Variants in AFF2 observed in about 807,000 individuals in gnomAD.
AFF2 encodes the protein ALF transcription elongation factor 2, also known as AF4/FMR2 family member 2.
A neutral mutation model predicts 76.9 loss-of-function variants in AFF2; 14 were observed. That is an observed-to-expected ratio of 0.18 (90% CI 0.12 to 0.28). The LOEUF is 0.28. Ranked by LOEUF, AFF2 falls within the 10% of genes least tolerant of loss-of-function variation. The probability of loss-of-function intolerance (pLI) is 1.00; values close to 1 mark genes in which losing one functional copy is unlikely to be tolerated. For synonymous variants in AFF2, 398 were observed against 366.7 expected (o/e 1.09, Z -0.98); for missense variants, 868 against 1,001.1 (o/e 0.87, Z 1.79).
intron 1 of AFF2, among the ~76,000 whole-genome samples, chrX:148,536,785 T>G (rs2052790412): frequency 8.9e-6 from 1 of 112,150 alleles, no homozygotes; most frequent in Non-Finnish European, 1.9e-5. Context: ...GGAATTTTGG[T>G]CTCTGTATGT....
chrX:148,877,416 C>T (rs899883527), intron 7 of AFF2, among the ~76,000 whole-genome samples: 5 of 112,055 alleles, frequency 4.5e-5, no homozygotes, highest in African/African-American at 1.6e-4. Context: ...TTCCCCTAAA[C>T]CAGAGTGTGG....
At chrX:148,518,527 A>G (rs1557234125) in intron 1 of AFF2, among the ~76,000 whole-genome samples, 1 of 112,340 alleles carries the variant, frequency 8.9e-6, no homozygotes, top group African/African-American at 3.2e-5. Context: ...GCTTTGATGG[A>G]GAAAGGAAAA....
chrX:148,987,227 C>A, intron 19 of AFF2, 140 bp from the exon 20 acceptor site: 1 of 515,701 alleles, frequency 1.9e-6, no homozygotes, highest in Non-Finnish European at 3.3e-6. Flanking sequence ...TCTGATGGGG[C>A]TTCACATGTG....
intron 1 of AFF2, among the ~76,000 whole-genome samples, chrX:148,619,576 TGAGA>T (rs1222204347): frequency 1.8e-5 from 2 of 112,019 alleles, no homozygotes; most frequent in African/African-American, 6.5e-5. Flanking sequence ...GTCCAGAAGA[TGAGA>T]GATAGTTGGA....
intron 2 of AFF2, among the ~76,000 whole-genome samples, chrX:148,660,092 A>G (rs186556076): frequency 4.5e-4 from 50 of 112,301 alleles, no homozygotes; most frequent in South Asian, 1.9e-3. Flanking sequence ...TCTGTCCCTG[A>G]CAGAGCTCCC....
chrX:148,654,497 T>G (rs782281059), intron 2 of AFF2, among the ~76,000 whole-genome samples: 67 of 111,288 alleles, frequency 6.0e-4, no homozygotes, highest in African/African-American at 2.0e-3. Flanking sequence ...GGAGGAATTA[T>G]ATAAAGGGAA....
intron 3 of AFF2, among the ~76,000 whole-genome samples, chrX:148,666,369 G>C (rs2054359291): frequency 1.8e-5 from 2 of 110,987 alleles, no homozygotes; most frequent in South Asian, 7.6e-4. Context: ...GGCGGATCAT[G>C]AAGTCAAGAG....
intron 3 of AFF2, among the ~76,000 whole-genome samples, chrX:148,761,078 T>A (rs2069433969): frequency 8.9e-6 from 1 of 111,766 alleles, no homozygotes; most frequent in Non-Finnish European, 1.9e-5. Flanking sequence ...TCCTTATATG[T>A]AAAATGAACT....
At chrX:148,953,478 C>A in intron 9 of AFF2, 102 bp from the exon 10 acceptor site, 1 of 930,093 alleles carries the variant, frequency 1.1e-6, no homozygotes, top group Non-Finnish European at 1.5e-6. Context: ...AAACCCCACT[C>A]TACCTGCATT....
At chrX:148,963,451 A>T (rs1238981137) in intron 13 of AFF2, among the ~76,000 whole-genome samples, 1 of 112,112 alleles carries the variant, frequency 8.9e-6, no homozygotes, top group African/African-American at 3.2e-5. Context: ...AATTTGCTCG[A>T]TAACTCTGGG....
chrX:148,975,938 C>T (rs1473051354), intron 16 of AFF2, among the ~76,000 whole-genome samples: 2 of 10,018 alleles, frequency 2.0e-4, no homozygotes, highest in Non-Finnish European at 5.0e-4. Context: ...AGCGAGACTC[C>T]GTCTCAAAAA....
At chrX:148,562,178 G>A (rs972876069) in intron 1 of AFF2, among the ~76,000 whole-genome samples, 5 of 112,522 alleles carry the variant, frequency 4.4e-5, no homozygotes, top group Non-Finnish European at 9.4e-5. Flanking sequence ...GATGTCAAAT[G>A]ACTGGTCTGA....
intron 3 of AFF2, among the ~76,000 whole-genome samples, chrX:148,758,669 C>T (rs782206156): frequency 6.3e-5 from 7 of 111,501 alleles, no homozygotes; most frequent in Admixed American, 1.9e-4. Context: ...TATTATAGAA[C>T]GTGATTACAT....
At chrX:148,585,815 TGG>T (rs2124363212) in intron 1 of AFF2, among the ~76,000 whole-genome samples, 2 of 90,864 alleles carry the variant, frequency 2.2e-5, no homozygotes, top group African/African-American at 8.5e-5. Flanking sequence ...CACTCCAGGC[TGG>T]GCGACAGAGC....
In AFF2 at chrX:148,549,050, T is replaced by C. The variant is rs912296444; in HGVS notation, c.47+47906T>C. Among the ~76,000 whole-genome samples the C allele has an allele frequency of 4.5e-5, 5 of 112,236 alleles. No individual in the cohort carries two copies. The South Asian group carries it at 1.5e-3, about 33-fold the overall frequency. On this transcript the variant is annotated intron_variant, in intron 1 of 20. Transcript: ENST00000370460. ...AAAAGGAACTTTAAAGGTCATCAGATTTGTTCTCATAATCTAGGAATCGGC... is the reference window on the plus strand; with the variant it reads ...AAAAGGAACTTTAAAGGTCATCAGACTTGTTCTCATAATCTAGGAATCGGC...
chrX:148,915,921 T>C (rs2124246198), intron 9 of AFF2, among the ~76,000 whole-genome samples: 1 of 112,408 alleles, frequency 8.9e-6, no homozygotes, highest in East Asian at 2.8e-4. Flanking sequence ...AGGAGAATGT[T>C]TAAAGAAAAC....
chrX:148,849,366 T>TCCCCCC (rs1188645576), intron 7 of AFF2, among the ~76,000 whole-genome samples: 1 of 8,841 alleles, frequency 1.1e-4, no homozygotes, highest in African/African-American at 5.5e-4. Context: ...CTCTCTCTCC[T>TCCCCCC]CCCCCCCCCC....
intron 3 of AFF2, among the ~76,000 whole-genome samples, chrX:148,716,215 T>A (rs1181859570): frequency 9.0e-6 from 1 of 111,115 alleles, no homozygotes; most frequent in Non-Finnish European, 1.9e-5. Flanking sequence ...AATTCTAGGC[T>A]ATTAAATATG....
intron 1 of AFF2, among the ~76,000 whole-genome samples, chrX:148,629,910 T>C (rs180835031): frequency 8.9e-6 from 1 of 111,743 alleles, no homozygotes; most frequent in East Asian, 2.8e-4. Context: ...AAGTCTGCTT[T>C]ATCTTCCCCA....
Sources: gnomAD v4.1 joint callset for allele counts (sites outside exome capture counted in the v4.1 genomes callset) on GRCh38, gnomAD v4.1.1 for gene constraint, MANE v1.5 for transcripts, NCBI Gene and HGNC (gene_info 2026-07-23, HGNC 2026-07-21) for gene names.